The following TERT variants were observed in gnomAD, a reference collection of about 807,000 sequenced individuals.
The protein encoded by TERT is telomerase catalytic subunit.
A neutral mutation model predicts 104.0 loss-of-function variants in TERT; 42 were observed. The observed-to-expected ratio is 0.40, with a 90% CI of 0.32 to 0.52. The LOEUF (loss-of-function observed/expected upper bound fraction) is 0.52. Ranked by LOEUF, TERT falls within the 20% of genes least tolerant of loss-of-function variation. The probability of loss-of-function intolerance (pLI) is 0.43; values close to 1 mark genes in which losing one functional copy is unlikely to be tolerated. For missense variants in TERT, 1,101 were observed against 1,610.3 expected (o/e 0.68, Z 5.41); for synonymous variants, 781 against 725.6 (o/e 1.08, Z -1.23).
Position 1,285,565 on chromosome 5 carries a change from A to ATTT in TERT, c.1574-2944_1574-2942dup, listed in dbSNP as rs1170336173. On this transcript the variant is annotated intron_variant, in intron 2 of 15. Transcript: ENST00000310581. ...TTACTTTTTTAATGTGGCTACTAGA[A>ATTT]TTTTTTTTTTTTTTTTTTTTTTTGA... Among the ~76,000 whole-genome samples, 21 of 82,190 alleles carry ATTT rather than the reference A, an allele frequency of 2.6e-4. 6 individuals carry two copies. Among genetic ancestry groups the ATTT allele is most frequent in the Admixed American group, 3.7e-4 (2 of 5,338 alleles). 53.9% of individuals were successfully genotyped at this position (82,190 alleles called of 152,430 possible). A position where few individuals can be genotyped will look rare whatever the true frequency, so the allele number is the denominator to read the frequency against.
In TERT at chr5:1,294,671, G is replaced by A. The variant is rs760071208; in HGVS notation, c.220-5C>T. 3.1e-6 allele frequency: 5 copies of A among 1,593,114 alleles called. No homozygotes were observed. The highest frequency in any genetic ancestry group is 1.3e-5 in the African/African-American group (1 of 74,742). ...CAGCTCCTTCAGGCAGGACACCTGCGGGGGAAGCGCCCTGAGTCGCCTGCG... is the reference window on the plus strand; with the variant it reads ...CAGCTCCTTCAGGCAGGACACCTGCAGGGGAAGCGCCCTGAGTCGCCTGCG... On this transcript the variant is annotated splice_region_variant and splice_polypyrimidine_tract_variant and intron_variant, in intron 1 of 15. Transcript: ENST00000310581.
chr5:1,263,323 G>A lies in TERT; in HGVS notation c.2843+1081C>T, dbSNP rs541672219. ...TTCAGAGGAAGGCACCCCCAGTTCC[G>A]GCCTCTAGCACAGCACCAGTAAATA... On this transcript the variant is annotated intron_variant, in intron 11 of 15. Coordinates refer to ENST00000310581, the MANE Select transcript of TERT (RefSeq NM_198253.3). This position sits in a 1 kb window ranked among gnomAD's most constrained non-coding sequence, Gnocchi z 5.3. 6.6e-5 allele frequency among the ~76,000 whole-genome samples: 10 copies of A among 152,018 alleles called. No individual in the cohort carries two copies. Among genetic ancestry groups the A allele is most frequent in the Non-Finnish European group, 1.2e-4 (8 of 68,020 alleles).
chr5:1,286,887 G>A lies in TERT; in HGVS notation c.1574-4263C>T, dbSNP rs34829399. ...AGTGAGACTGTCTCAATAAACAAAA[G>A]CAAACAACGACAATAAAAAGATCAG... On this transcript the variant is annotated intron_variant, in intron 2 of 15. Coordinates refer to ENST00000310581, the MANE Select transcript of TERT (RefSeq NM_198253.3). This position sits in a 1 kb window ranked among gnomAD's most constrained non-coding sequence, Gnocchi z 5.3. Among the ~76,000 whole-genome samples, 376 of 152,042 alleles carry A rather than the reference G, an allele frequency of 2.5e-3. 9 individuals carry two copies. In the East Asian group the frequency reaches 0.065, roughly 26 times the overall value.
chr5:1,292,265 G>A lies in TERT; in HGVS notation c.1573+1048C>T, dbSNP rs1751042102. Among the ~76,000 whole-genome samples, 1 of 152,086 alleles carries A rather than the reference G, an allele frequency of 6.6e-6. No homozygotes were observed. Among genetic ancestry groups the A allele is most frequent in the Non-Finnish European group, 1.5e-5 (1 of 68,018 alleles). Reference sequence around the variant, plus strand: ...TGCCACGGTAGGGCCTGGGAGCACTGGGAGCCAAAAGGGGGCTGGAGCGGA... The same window carrying A: ...TGCCACGGTAGGGCCTGGGAGCACTAGGAGCCAAAAGGGGGCTGGAGCGGA... On this transcript the variant is annotated intron_variant, in intron 2 of 15. Coordinates refer to ENST00000310581, the MANE Select transcript of TERT (RefSeq NM_198253.3). The surrounding 1 kb of genome is among the most constrained non-coding windows in gnomAD (Gnocchi z 5.5).
rs113942897 is a variant in TERT at position 1,257,887 on chromosome 5, G to C, written c.3032+711C>G. Among the ~76,000 whole-genome samples the C allele has an allele frequency of 6.6e-6, 1 of 152,222 alleles. No homozygotes were observed. The highest frequency in any genetic ancestry group is 1.5e-5 in the Non-Finnish European group (1 of 68,040). On this transcript the variant is annotated intron_variant, in intron 13 of 15. Coordinates refer to ENST00000310581, the MANE Select transcript of TERT (RefSeq NM_198253.3). The surrounding 1 kb of genome is among the most constrained non-coding windows in gnomAD (Gnocchi z 5.6). ...CCTGGCATTCAGCTCCCAGTGGCTC[G>C]GGAGGCCTGTTGAGGTGGAGGCCCG...
intron 6 of TERT, among the ~76,000 whole-genome samples, chr5:1,277,657 G>A (rs868572814): frequency 4.6e-4 from 68 of 148,844 alleles, no homozygotes; most frequent in Middle Eastern, 3.4e-3. Context: ...GCACAGGTGG[G>A]CGGTGGGGAC....
Position 1,261,545 on chromosome 5 carries a change from T to C in TERT, c.2844-945A>G, listed in dbSNP as rs1411873860. On this transcript the variant is annotated intron_variant, in intron 11 of 15. Transcript: ENST00000310581. This position sits in a 1 kb window ranked among gnomAD's most constrained non-coding sequence, Gnocchi z 7.4. ...GTCTTTCCAGCTTGCCTCAACCTGA[T>C]GCTGGCTCTTGGCAAGCCCAGAAAA... Among the ~76,000 whole-genome samples the C allele has an allele frequency of 3.3e-5, 5 of 152,230 alleles. No homozygotes were observed. Among genetic ancestry groups the C allele is most frequent in the Non-Finnish European group, 5.9e-5 (4 of 68,040 alleles).
intron 12 of TERT, among the ~76,000 whole-genome samples, chr5:1,259,642 A>G (rs1358014665): frequency 3.9e-5 from 4 of 103,556 alleles, no homozygotes; most frequent in African/African-American, 7.7e-5. Context: ...TGCCCACAGG[A>G]GAGAGGGAGT....
At position 1,266,466 on chromosome 5, in the gene TERT, G is replaced by A. The variant is rs374309472; in HGVS notation, c.2652C>T (p.Leu884=). Residue 884 remains leucine (L), a splice_region_variant and synonymous_variant, in exon 10 of 16, where the codon CTC becomes CTT. Coordinates refer to ENST00000310581, the MANE Select transcript of TERT (RefSeq NM_198253.3). ...TPHLTHAKTF[L]RTLVRGVPEY... Reference sequence around the variant, plus strand: ...CAGACACACGGCACGGGCCTCACCTGAGGAAGGTTTTCGCGTGGGTGAGGT... The same window carrying A: ...CAGACACACGGCACGGGCCTCACCTAAGGAAGGTTTTCGCGTGGGTGAGGT... 9.3e-6 allele frequency: 15 copies of A among 1,607,936 alleles called. No individual in the cohort carries two copies. In the African/African-American group the frequency reaches 1.2e-4, roughly 13 times the overall value.
In TERT at chr5:1,294,923, G is replaced by A. The variant is rs2126692512; in HGVS notation, c.67C>T (p.Pro23Ser). The A allele has an allele frequency of 7.0e-7, 1 of 1,424,980 alleles. No individual in the cohort carries two copies. Among genetic ancestry groups the A allele is most frequent in the South Asian group, 1.5e-5 (1 of 68,696 alleles). 88.3% of individuals were successfully genotyped at this position (1,424,980 alleles called of 1,614,324 possible). A position where few individuals can be genotyped will look rare whatever the true frequency, so the allele number is the denominator to read the frequency against. Residue 23 changes from proline (P) to serine (S), a missense_variant, in exon 1 of 16, where the codon CCG becomes TCG. This residue lies in a region of TERT where 87 missense variants were observed against 145.4 expected (regional missense o/e 0.60). Transcript: ENST00000310581. Reference sequence around the variant, plus strand: ...AGGCGCCGCACGAACGTGGCCAGCGGCAGCACCTCGCGGTAGTGGCTGCGC... The same window carrying A: ...AGGCGCCGCACGAACGTGGCCAGCGACAGCACCTCGCGGTAGTGGCTGCGC... ...LLRSHYREVL[P>S]LATFVRRLGP...
In TERT at chr5:1,288,993, G is replaced by A. The variant is rs992189647; in HGVS notation, c.1573+4320C>T. On this transcript the variant is annotated intron_variant, in intron 2 of 15. Coordinates refer to ENST00000310581, the MANE Select transcript of TERT (RefSeq NM_198253.3). This position sits in a 1 kb window ranked among gnomAD's most constrained non-coding sequence, Gnocchi z 5.3. ...GCACTGCGCCTGCACCATCTACCCA[G>A]GCAATGGGCAACCGGCGCAGCTGTG... 6.6e-6 allele frequency among the ~76,000 whole-genome samples: 1 copy of A among 152,172 alleles called. No homozygotes were observed. Among genetic ancestry groups the A allele is most frequent in the Non-Finnish European group, 1.5e-5 (1 of 68,022 alleles).
rs1060504789 is a variant in TERT at position 1,293,410 on chromosome 5, C to T, written c.1476G>A (p.Lys492=). The change falls in exon 2 of 16, where the codon AAG becomes AAA. Residue 492 remains lysine (K), a synonymous_variant. Transcript: ENST00000310581. ...HNERRFLRNT[K]KFISLGKHAK... ...CATGCTTCCCCAGGGAGATGAACTT[C>T]TTGGTGTTCCTGAGGAAGCGGCGTT... 1 of 1,613,192 alleles carries T rather than the reference C, an allele frequency of 6.2e-7. No homozygotes were observed. Among genetic ancestry groups the T allele is most frequent in the Non-Finnish European group, 8.5e-7 (1 of 1,179,960 alleles).
chr5:1,277,041 G>A (rs975508965), intron 6 of TERT, among the ~76,000 whole-genome samples: 1 of 152,226 alleles, frequency 6.6e-6, no homozygotes, highest in African/African-American at 2.4e-5. Flanking sequence ...CCCATACAGA[G>A]CGGGGCAGGA....
chr5:1,254,634 G>A (rs560786081), intron 14 of TERT, 129 bp from the exon 15 acceptor site: 13 of 1,031,920 alleles, frequency 1.3e-5, no homozygotes, highest in African/African-American at 6.4e-5. Context: ...CCCAAGCACC[G>A]CAGGAGTCAC....
At position 1,294,454 on chromosome 5, in the gene TERT, C is replaced by T. The variant is rs1456482467; in HGVS notation, c.432G>A (p.Val144=). The T allele has an allele frequency of 2.5e-6, 4 of 1,592,214 alleles. No homozygotes were observed. Among genetic ancestry groups the T allele is most frequent in the South Asian group, 1.1e-5 (1 of 90,196 alleles). The change falls in exon 2 of 16, where the codon GTG becomes GTA. Residue 144 remains valine, a synonymous_variant. Transcript: ENST00000310581. The stretch of plus-strand genomic sequence containing the variant: ...GCAGGTGAACCAGCACGTCGTCGCC[C>T]ACGCGGCGCAGCAGCAGCCCCCACG... ...SGAWGLLLRR[V]GDDVLVHLLA... is the part of the protein sequence containing the mutation.
intron 2 of TERT, among the ~76,000 whole-genome samples, chr5:1,291,681 G>A (rs1267087238): frequency 6.8e-6 from 1 of 147,660 alleles, no homozygotes; most frequent in Admixed American, 6.7e-5. Flanking sequence ...AGGGACACCC[G>A]GGGGCCGCGC....
At position 1,294,072 on chromosome 5, in the gene TERT, C is replaced by T. The variant is rs1751201506; in HGVS notation, c.814G>A (p.Val272Met). Residue 272 changes from valine (V) to methionine (M), a missense_variant, in exon 2 of 16, where the codon GTG (valine) becomes ATG (methionine). This residue lies in a region of TERT where 504 missense variants were observed against 544.6 expected (regional missense o/e 0.93). Coordinates refer to ENST00000310581, the MANE Select transcript of TERT (RefSeq NM_198253.3). ...TRGPSDRGFCVVSPARPAEEA... is the reference protein window; with the variant it reads ...TRGPSDRGFCMVSPARPAEEA... ...TCGGCGGGTCTGGCAGGTGACACCA[C>T]ACAGAAACCACGGTCACTCGGTCCA... 6.3e-7 allele frequency: 1 copy of T among 1,590,662 alleles called. No individual in the cohort carries two copies. Among genetic ancestry groups the T allele is most frequent in the Non-Finnish European group, 8.5e-7 (1 of 1,171,142 alleles).
chr5:1,286,451 G>T lies in TERT; in HGVS notation c.1574-3827C>A, dbSNP rs1750493991. On this transcript the variant is annotated intron_variant, in intron 2 of 15. Coordinates refer to ENST00000310581, the MANE Select transcript of TERT (RefSeq NM_198253.3). The surrounding 1 kb of genome is among the most constrained non-coding windows in gnomAD (Gnocchi z 5.3). ...TATTAATAATGCTTAGCTTGTGGGG[G>T]TGTCAAGATGCCTGAGATAGAACTA... Among the ~76,000 whole-genome samples the T allele has an allele frequency of 6.6e-6, 1 of 152,172 alleles. No individual in the cohort carries two copies. Among genetic ancestry groups the T allele is most frequent in the Non-Finnish European group, 1.5e-5 (1 of 68,042 alleles).
chr5:1,284,832 T>TCCGGACACCGCATATC (rs1382383655), intron 2 of TERT, among the ~76,000 whole-genome samples: 87 of 142,332 alleles, frequency 6.1e-4, no homozygotes, highest in African/African-American at 2.3e-3. Context: ...ACCTGCACCA[T>TCCGGACACCGCATATC]CCGGACACCG....
Sources: gnomAD v4.1 joint callset for allele counts (sites outside exome capture counted in the v4.1 genomes callset) on GRCh38, gnomAD v4.1.1 for gene constraint, gnomAD v4.1.1 regional missense constraint, Gnocchi (gnomAD v3.1) non-coding constraint, MANE v1.5 for transcripts, NCBI Gene and HGNC (gene_info 2026-07-23, HGNC 2026-07-21) for gene names.